ENTREP1: variants seen among roughly 807,000 people sequenced by gnomAD.
The protein encoded by ENTREP1 is Friedreich ataxia region gene X123.
chr9:69,391,847 T>C, the ENTREP1 span: 3 of 1,515,158 alleles, frequency 2.0e-6, no homozygotes, highest in Non-Finnish European at 2.7e-6. Context: ...AGGATCCCTC[T>C]CCTCTCTGCC....
chr9:69,392,135 G>A, the ENTREP1 span: 4 of 342,438 alleles, frequency 1.2e-5, no homozygotes, highest in East Asian at 5.8e-5. Flanking sequence ...TTCACCCCTC[G>A]TGTCTCTCTT....
At chr9:69,383,830 G>A in the ENTREP1 span, 1 of 1,597,402 alleles carries the variant, frequency 6.3e-7, no homozygotes, top group Non-Finnish European at 8.6e-7. Context: ...CCCACCCCCT[G>A]CCCCCAGAGA....
chr9:69,362,477 A>G, the ENTREP1 span, among the ~76,000 whole-genome samples: 5 of 152,220 alleles, frequency 3.3e-5, no homozygotes, highest in African/African-American at 1.2e-4. Flanking sequence ...TGAAAAACAT[A>G]ATTCGTTTTG....
chr9:69,345,987 C>CTT, the ENTREP1 span, among the ~76,000 whole-genome samples: 2 of 146,312 alleles, frequency 1.4e-5, no homozygotes, highest in Non-Finnish European at 3.0e-5. Flanking sequence ...ACAAATAACA[C>CTT]TTTTTTTTTT....
At chr9:69,328,548 C>A in the ENTREP1 span, among the ~76,000 whole-genome samples, 1 of 152,024 alleles carries the variant, frequency 6.6e-6, no homozygotes, top group African/African-American at 2.4e-5. Context: ...TATTTTAAGG[C>A]AAATTCCAGG....
the ENTREP1 span, among the ~76,000 whole-genome samples, chr9:69,391,347 TA>T: frequency 6.6e-6 from 1 of 152,170 alleles, no homozygotes; most frequent in Non-Finnish European, 1.5e-5. Context: ...AGAAGAATGT[TA>T]AAGCAAGAAA....
chr9:69,380,854 C>G, the ENTREP1 span: 3 of 152,884 alleles, frequency 2.0e-5, no homozygotes, highest in Middle Eastern at 3.4e-3. Context: ...GCAGAGCCCC[C>G]CCAAACCCCA....
chr9:69,350,060 T>G, the ENTREP1 span, among the ~76,000 whole-genome samples: 3 of 152,336 alleles, frequency 2.0e-5, no homozygotes, highest in African/African-American at 7.2e-5. Flanking sequence ...GATGATGCCC[T>G]TTGAAGCACA....
At chr9:69,347,414 C>T in the ENTREP1 span, among the ~76,000 whole-genome samples, 1 of 152,224 alleles carries the variant, frequency 6.6e-6, no homozygotes, top group African/African-American at 2.4e-5. Flanking sequence ...CCCCACACCC[C>T]CTTCTATCAA....
the ENTREP1 span, among the ~76,000 whole-genome samples, chr9:69,354,616 C>T: frequency 1.3e-5 from 2 of 152,268 alleles, no homozygotes; most frequent in Non-Finnish European, 2.9e-5. Flanking sequence ...TACATTGCAT[C>T]CCCATGGTGC....
the ENTREP1 span, chr9:69,325,576 C>G: frequency 3.3e-6 from 4 of 1,222,968 alleles, no homozygotes; most frequent in Non-Finnish European, 4.1e-6. Context: ...CCCCGGGCTC[C>G]GCGCTGCTGC....
the ENTREP1 span, among the ~76,000 whole-genome samples, chr9:69,343,503 C>A: frequency 6.6e-6 from 1 of 152,086 alleles, no homozygotes; most frequent in Non-Finnish European, 1.5e-5. Context: ...TGAAGTGGCA[C>A]CGTCGCAGCT....
chr9:69,383,529 G>T, the ENTREP1 span: 1 of 1,559,266 alleles, frequency 6.4e-7, no homozygotes, highest in South Asian at 1.2e-5. Context: ...GAGGTGAGTG[G>T]TTTTCCCCAC....
chr9:69,359,615 C>T, the ENTREP1 span, among the ~76,000 whole-genome samples: 1 of 152,320 alleles, frequency 6.6e-6, no homozygotes, highest in African/African-American at 2.4e-5. Flanking sequence ...TCCAGCCATG[C>T]TGAACTGTGA....
the ENTREP1 span, chr9:69,385,765 T>A: frequency 7.3e-6 from 2 of 274,988 alleles, no homozygotes; most frequent in Non-Finnish European, 4.6e-6. Flanking sequence ...TTTCGCCTCT[T>A]TTTTTTTTTT....
At chr9:69,367,692 CACATATATATAA>C in the ENTREP1 span, among the ~76,000 whole-genome samples, 4 of 87,700 alleles carry the variant, frequency 4.6e-5, no homozygotes, top group African/African-American at 1.5e-4. Context: ...TATATATATA[CACATATATATAA>C]ATATATATAT....
At chr9:69,335,356 G>A in the ENTREP1 span, among the ~76,000 whole-genome samples, 3 of 152,168 alleles carry the variant, frequency 2.0e-5, no homozygotes, top group Non-Finnish European at 4.4e-5. Context: ...AATCAGTGAG[G>A]GCTTCTCAGG....
chr9:69,368,226 A>AAT, the ENTREP1 span, among the ~76,000 whole-genome samples: 2 of 152,054 alleles, frequency 1.3e-5, no homozygotes, highest in African/African-American at 4.8e-5. Flanking sequence ...GACTTCTAGT[A>AAT]CTGTGTTGAA....
At chr9:69,327,356 TCTGA>T in the ENTREP1 span, among the ~76,000 whole-genome samples, 17 of 152,216 alleles carry the variant, frequency 1.1e-4, no homozygotes, top group Non-Finnish European at 1.9e-4. Context: ...ATTCTGTTTG[TCTGA>T]CTAAGTCCAG....
Sources: allele counts gnomAD v4.1 joint callset (sites outside exome capture counted in the v4.1 genomes callset), GRCh38; gene constraint gnomAD v4.1.1; transcripts MANE v1.5; gene names NCBI Gene and HGNC (gene_info 2026-07-23, HGNC 2026-07-21).